Variants in RSRC1 observed in about 807,000 individuals in gnomAD.
RSRC1 encodes serine/Arginine-related protein 53.
A neutral mutation model predicts 49.1 loss-of-function variants in RSRC1; 39 were observed. The ratio of observed to expected loss-of-function variants is 0.79; its 90% CI spans 0.61 to 1.04. RSRC1 has a LOEUF of 1.04. Ranked by LOEUF, RSRC1 falls within the 50% of genes least tolerant of loss-of-function variation. RSRC1 has a pLI of 0.00. For missense variants in RSRC1, 388 were observed against 402.4 expected (o/e 0.96, Z 0.31); for synonymous variants, 143 against 130.8 (o/e 1.09, Z -0.63).
intron 5 of RSRC1, among the ~76,000 whole-genome samples, chr3:158,337,268 A>G (rs746310926): frequency 2.6e-5 from 4 of 152,222 alleles, no homozygotes; most frequent in Non-Finnish European, 5.9e-5. Context: ...CCTTGCTATC[A>G]TGAAGACATT....
rs569431774 is a variant in RSRC1 at position 158,462,606 on chromosome 3, G to A, written c.652+1603G>A. Among the ~76,000 whole-genome samples, 5 of 151,998 alleles carry A rather than the reference G, an allele frequency of 3.3e-5. No homozygotes were observed. The South Asian group carries it at 1.0e-3, about 32-fold the overall frequency. ...TTTGTTTTTATGAAAAAAATAATAT[G>A]AATGCTTATCTTAGCAAAAGAAACT... On this transcript the variant is annotated intron_variant, in intron 7 of 9. Coordinates refer to ENST00000611884, the MANE Select transcript of RSRC1 (RefSeq NM_001271838.2).
At chr3:158,268,322 G>T (rs1248120603) in intron 4 of RSRC1, among the ~76,000 whole-genome samples, 3 of 152,046 alleles carry the variant, frequency 2.0e-5, no homozygotes, top group African/African-American at 7.2e-5. Context: ...CTTTTTGCTG[G>T]ATTCCCTGAA....
chr3:158,392,024 G>T (rs1251962888), intron 6 of RSRC1, among the ~76,000 whole-genome samples: 1 of 152,018 alleles, frequency 6.6e-6, no homozygotes, highest in African/African-American at 2.4e-5. Flanking sequence ...ATAATAATAA[G>T]ATAATATCTA....
rs138932909 is a variant in RSRC1, at chr3:158,151,259, G to C, written c.320+27268G>C. On this transcript the variant is annotated intron_variant, in intron 3 of 9. Transcript: ENST00000611884. ...ATTTTATGCTGGGCTTGATGAGGAAGTGGATAATCGTGAAGCATGATTGGA... is the reference window on the plus strand; with the variant it reads ...ATTTTATGCTGGGCTTGATGAGGAACTGGATAATCGTGAAGCATGATTGGA... 1.0e-3 allele frequency among the ~76,000 whole-genome samples: 156 copies of C among 152,312 alleles called. 1 individual carries two copies. Among genetic ancestry groups the C allele is most frequent in the African/African-American group, 3.5e-3 (146 of 41,582 alleles).
chr3:158,544,651 A>G lies in RSRC1; in HGVS notation c.*376A>G, dbSNP rs978043246. ...GAGAATTGAATTACATGCTATAAATATGAGATTTCATCTTCCGTATGGTAT... is the reference window on the plus strand; with the variant it reads ...GAGAATTGAATTACATGCTATAAATGTGAGATTTCATCTTCCGTATGGTAT... On this transcript the variant is annotated 3_prime_UTR_variant, in exon 10 of 10. Coordinates refer to ENST00000611884, the MANE Select transcript of RSRC1 (RefSeq NM_001271838.2). The G allele has an allele frequency of 1.3e-5, 2 of 154,862 alleles. No individual in the cohort carries two copies. The highest frequency in any genetic ancestry group is 4.8e-5 in the African/African-American group (2 of 41,530). 9.6% of individuals were successfully genotyped at this position (154,862 alleles called of 1,614,324 possible).
At chr3:158,477,686 G>A (rs1157907413) in intron 7 of RSRC1, among the ~76,000 whole-genome samples, 2 of 151,230 alleles carry the variant, frequency 1.3e-5, no homozygotes, top group African/African-American at 4.9e-5. Context: ...TTAGTGTGAT[G>A]TTCTGGAACC....
chr3:158,205,281 C>CT (rs1416719866), intron 4 of RSRC1, among the ~76,000 whole-genome samples: 1 of 152,030 alleles, frequency 6.6e-6, no homozygotes, highest in Non-Finnish European at 1.5e-5. Context: ...CACACAGATT[C>CT]TTATATTTCC....
chr3:158,531,583 T>G (rs751455563), intron 7 of RSRC1, among the ~76,000 whole-genome samples: 1 of 151,890 alleles, frequency 6.6e-6, no homozygotes, highest in Non-Finnish European at 1.5e-5. Flanking sequence ...AACATGGTCC[T>G]GTAGCATAAG....
At chr3:158,215,675 C>T (rs941213684) in intron 4 of RSRC1, among the ~76,000 whole-genome samples, 1 of 151,360 alleles carries the variant, frequency 6.6e-6, no homozygotes, top group African/African-American at 2.4e-5. Context: ...TTAGTGGTTG[C>T]CCTAGGAATT....
chr3:158,197,055 G>T (rs1720669949), intron 3 of RSRC1, among the ~76,000 whole-genome samples: 1 of 152,052 alleles, frequency 6.6e-6, no homozygotes. Flanking sequence ...TCTATTGATT[G>T]GAATAGTTTC....
At chr3:158,270,685 G>A (rs1437831778) in intron 4 of RSRC1, among the ~76,000 whole-genome samples, 1 of 151,988 alleles carries the variant, frequency 6.6e-6, no homozygotes, top group African/African-American at 2.4e-5. Context: ...ATTTAAGCAT[G>A]GCATTTATGT....
chr3:158,127,939 C>T (rs1348591441), intron 3 of RSRC1, among the ~76,000 whole-genome samples: 1 of 152,124 alleles, frequency 6.6e-6, no homozygotes, highest in African/African-American at 2.4e-5. Context: ...TCTGGCACCT[C>T]TCCAAAATGC....
At chr3:158,422,947 T>A (rs1401934728) in intron 6 of RSRC1, among the ~76,000 whole-genome samples, 1 of 152,196 alleles carries the variant, frequency 6.6e-6, no homozygotes, top group African/African-American at 2.4e-5. Flanking sequence ...TGTAAATTTG[T>A]TGGAGGTCAT....
In RSRC1 at chr3:158,412,750, C is replaced by G. The variant is rs2108323996; in HGVS notation, c.584-48185C>G. Among the ~76,000 whole-genome samples, 2 of 152,152 alleles carry G rather than the reference C, an allele frequency of 1.3e-5. 1 individual carries two copies. The highest frequency in any genetic ancestry group is 4.1e-4 in the South Asian group (2 of 4,828). ...GGAGGATTGCTTGAAGCCAGGAGTT[C>G]AAGACCAGTCTGGACAACAAAGGAA... On this transcript the variant is annotated intron_variant, in intron 6 of 9. Coordinates refer to ENST00000611884, the MANE Select transcript of RSRC1 (RefSeq NM_001271838.2).
chr3:158,521,356 A>G (rs1449114830), intron 7 of RSRC1, among the ~76,000 whole-genome samples: 1 of 151,864 alleles, frequency 6.6e-6, no homozygotes, highest in Admixed American at 6.6e-5. Context: ...CATCTTCGGA[A>G]CCCCTTGTCC....
chr3:158,260,694 C>T (rs1035599309), intron 4 of RSRC1, among the ~76,000 whole-genome samples: 1 of 152,186 alleles, frequency 6.6e-6, no homozygotes, highest in Non-Finnish European at 1.5e-5. Flanking sequence ...GGACCCCAGG[C>T]TACTTTAGCC....
At chr3:158,288,379 G>T (rs1020936716) in intron 4 of RSRC1, among the ~76,000 whole-genome samples, 1 of 152,178 alleles carries the variant, frequency 6.6e-6, no homozygotes, top group African/African-American at 2.4e-5. Context: ...GAAGTGGGGG[G>T]TGACGGTGAA....
intron 4 of RSRC1, among the ~76,000 whole-genome samples, chr3:158,256,068 G>C (rs551372190): frequency 6.6e-6 from 1 of 152,172 alleles, no homozygotes; most frequent in East Asian, 1.9e-4. Context: ...TGTCTTGTTT[G>C]ATTGCCCTGG....
intron 6 of RSRC1, among the ~76,000 whole-genome samples, chr3:158,371,070 A>G (rs1732045037): frequency 6.6e-6 from 1 of 151,792 alleles, no homozygotes; most frequent in Non-Finnish European, 1.5e-5. Context: ...GTCATTTACC[A>G]TCTGTATACT....
Sources: gnomAD v4.1 joint callset for allele counts (sites outside exome capture counted in the v4.1 genomes callset) on GRCh38, gnomAD v4.1.1 for gene constraint, MANE v1.5 for transcripts, NCBI Gene and HGNC (gene_info 2026-07-23, HGNC 2026-07-21) for gene names.